FBLN7: variants seen among roughly 807,000 people sequenced by gnomAD.
FBLN7 encodes the protein fibulin 7, also known as fibulin-7.
In FBLN7, 31 loss-of-function variants were observed where a neutral mutation model predicts 44.0. The observed-to-expected ratio is 0.70, with a 90% CI of 0.53 to 0.95. FBLN7 has a LOEUF of 0.95. Among genes scored for constraint, FBLN7 ranks in the 40% least tolerant of loss-of-function variants. The pLI is 0.00. For missense variants in FBLN7, 573 were observed against 618.5 expected, an observed-to-expected ratio of 0.93 and a Z score of 0.78; for synonymous variants, 262 against 253.4, an observed-to-expected ratio of 1.03 and a Z score of -0.32.
chr2:112,146,095 C>A (rs553319854), intron 1 of FBLN7, among the ~76,000 whole-genome samples: 1 of 152,182 alleles, frequency 6.6e-6, no homozygotes, highest in African/African-American at 2.4e-5. Flanking sequence ...GCAAGGTGGG[C>A]AGACCACCTG....
At chr2:112,149,302 C>T (rs141926319) in intron 1 of FBLN7, among the ~76,000 whole-genome samples, 98 of 152,280 alleles carry the variant, frequency 6.4e-4, no homozygotes, top group Middle Eastern at 3.4e-3. Context: ...GGAAAGGAGA[C>T]GTGGCCAGCC....
chr2:112,155,374 A>G (rs1681361018), intron 1 of FBLN7, among the ~76,000 whole-genome samples: 1 of 152,208 alleles, frequency 6.6e-6, no homozygotes, highest in Non-Finnish European at 1.5e-5. Context: ...GCTGCAGCTC[A>G]GACCCTCAAA....
In FBLN7 at chr2:112,138,673, G is replaced by A; in HGVS notation, c.18G>A (p.Pro6=). The change falls in exon 1 of 8, where the codon CCG becomes CCA. Residue 6 remains proline (P), a synonymous_variant. Transcript: ENST00000331203. ...CTGGCAAGATGGTGCCCAGCTCTCC[G>A]CGCGCGCTCTTCCTTCTGCTCCTGA... The part of the protein sequence containing the change: MVPSS[P]RALFLLLLIL... The A allele has an allele frequency of 6.2e-7, 1 of 1,613,706 alleles. No homozygotes were observed. The highest frequency in any genetic ancestry group is 1.3e-5 in the African/African-American group (1 of 74,994).
At chr2:112,189,060 C>T (rs1683396008), downstream of FBLN7, 1 of 152,170 alleles carries the variant, frequency 6.6e-6, no homozygotes, top group African/African-American at 2.4e-5. Flanking sequence ...AGGGACAGCC[C>T]ACACATCACA....
intron 2 of FBLN7, among the ~76,000 whole-genome samples, chr2:112,162,723 A>C (rs1681941025): frequency 6.6e-6 from 1 of 152,166 alleles, no homozygotes; most frequent in African/African-American, 2.4e-5. Flanking sequence ...TGTATCCATT[A>C]ATCCACTCCA....
At chr2:112,175,568 G>A (rs1208599610) in intron 3 of FBLN7, 146 bp from the exon 4 acceptor site, 12 of 1,005,890 alleles carry the variant, frequency 1.2e-5, no homozygotes, top group Non-Finnish European at 1.6e-5. Flanking sequence ...TGCGGGTGGA[G>A]AGGGTGGAAA....
the FBLN7 span, among the ~76,000 whole-genome samples, chr2:112,204,653 T>C: frequency 2.0e-5 from 3 of 152,088 alleles, no homozygotes; most frequent in Admixed American, 6.5e-5. Context: ...GGAGGACATA[T>C]TCAAAGAGAT....
At chr2:112,223,075 CAG>C in the FBLN7 span, among the ~76,000 whole-genome samples, 1 of 151,508 alleles carries the variant, frequency 6.6e-6, no homozygotes, top group Non-Finnish European at 1.5e-5. Flanking sequence ...CATTTGGACA[CAG>C]GGTGGGGAAC....
chr2:112,166,970 C>G (rs1344694364), intron 3 of FBLN7, among the ~76,000 whole-genome samples: 3 of 152,228 alleles, frequency 2.0e-5, no homozygotes, highest in South Asian at 4.1e-4. Context: ...TCTTATCGCC[C>G]TACTTTGTCT....
chr2:112,212,569 T>C, the FBLN7 span: 2 of 152,304 alleles, frequency 1.3e-5, no homozygotes, highest in Admixed American at 1.3e-4. Flanking sequence ...AATGAAAATA[T>C]ATTATTTCAG....
At chr2:112,160,396 TTTC>T (rs1681696505) in intron 2 of FBLN7, among the ~76,000 whole-genome samples, 1 of 152,170 alleles carries the variant, frequency 6.6e-6, no homozygotes, top group African/African-American at 2.4e-5. Context: ...TGTCACCCCT[TTTC>T]TTCTTCAGCC....
the FBLN7 span, among the ~76,000 whole-genome samples, chr2:112,241,198 C>A: frequency 6.6e-6 from 1 of 152,070 alleles, no homozygotes; most frequent in Admixed American, 6.6e-5. Flanking sequence ...ACAACAAATT[C>A]TCTCTGCCCT....
At chr2:112,213,634 G>A in the FBLN7 span, 2 of 151,104 alleles carry the variant, frequency 1.3e-5, no homozygotes, top group Non-Finnish European at 2.9e-5. Flanking sequence ...AAATTAGCAG[G>A]GTGTGGTGGC....
intron 1 of FBLN7, among the ~76,000 whole-genome samples, chr2:112,158,449 AT>A (rs1681550213): frequency 1.3e-5 from 2 of 150,354 alleles, no homozygotes; most frequent in Non-Finnish European, 3.0e-5. Flanking sequence ...TTTATTTATT[AT>A]TTTGAGACAG....
chr2:112,143,919 C>G (rs1429433850), intron 1 of FBLN7, among the ~76,000 whole-genome samples: 1 of 152,090 alleles, frequency 6.6e-6, no homozygotes, highest in Non-Finnish European at 1.5e-5. Flanking sequence ...AGTACATGGC[C>G]TTTTGGGTTT....
At chr2:112,240,657 C>T in the FBLN7 span, among the ~76,000 whole-genome samples, 1 of 152,204 alleles carries the variant, frequency 6.6e-6, no homozygotes, top group South Asian at 2.1e-4. Context: ...ATTAATAAAG[C>T]CAGGACAATC....
the FBLN7 span, among the ~76,000 whole-genome samples, chr2:112,227,457 C>T: frequency 7.9e-5 from 12 of 152,082 alleles, no homozygotes; most frequent in Non-Finnish European, 1.8e-4. Flanking sequence ...CCCGCAAGGC[C>T]GCGGTTGCAG....
chr2:112,162,577 G>A (rs796767604), intron 2 of FBLN7, among the ~76,000 whole-genome samples: 9 of 152,268 alleles, frequency 5.9e-5, no homozygotes, highest in South Asian at 4.2e-4. Flanking sequence ...AGGGAGCTTC[G>A]CTGTGGCTCT....
At chr2:112,211,636 C>T in the FBLN7 span, 1 of 152,082 alleles carries the variant, frequency 6.6e-6, no homozygotes, top group African/African-American at 2.4e-5. Flanking sequence ...TTATGTACTG[C>T]TAAGAAAACA....
Sources: gnomAD v4.1 joint callset for allele counts (sites outside exome capture counted in the v4.1 genomes callset) on GRCh38, gnomAD v4.1.1 for gene constraint, MANE v1.5 for transcripts, NCBI Gene and HGNC (gene_info 2026-07-23, HGNC 2026-07-21) for gene names.